Variants in OR51I2 observed in about 807,000 individuals in gnomAD.
OR51I2 encodes the protein olfactory receptor 51I2.
OR51I2 carries 6 observed loss-of-function variants against 9.3 expected under a neutral mutation model. That is an observed-to-expected ratio of 0.64 (90% CI 0.35 to 1.27). The LOEUF (loss-of-function observed/expected upper bound fraction) is 1.27. Ranked by LOEUF, OR51I2 falls within the 50% of genes most tolerant of loss-of-function variation. OR51I2 has a pLI of 0.03. For missense variants in OR51I2, 489 were observed against 396.4 expected, an observed-to-expected ratio of 1.23 and a Z score of -1.98; for synonymous variants, 179 against 143.1, an observed-to-expected ratio of 1.25 and a Z score of -1.79.
chr11:5,450,969 A>C lies in OR51I2; in HGVS notation c.-231+1605A>C, dbSNP rs146001210. The stretch of plus-strand genomic sequence containing the variant: ...GAAAAAGAGAGAAGAGAGTCTTAAA[A>C]GTCTTTAAATTAATGTTTTATCACC... On this transcript the variant is annotated intron_variant, in intron 1 of 1. Coordinates refer to ENST00000641930, the MANE Select transcript of OR51I2 (RefSeq NM_001004754.3). 2.6e-3 allele frequency among the ~76,000 whole-genome samples: 401 copies of C among 152,330 alleles called. 1 individual carries two copies. The highest frequency in any genetic ancestry group is 9.2e-3 in the African/African-American group (381 of 41,564).
In OR51I2 at chr11:5,454,270, T is replaced by G. The variant is rs113255511; in HGVS notation, c.782T>G (p.Val261Gly). The change falls in exon 2 of 2, where the codon GTG (valine) becomes GGG (glycine). Residue 261 changes from valine (V) to glycine (G), a missense_variant. Val to Gly is a moderately radical substitution (Grantham distance 109). Coordinates refer to ENST00000641930, the MANE Select transcript of OR51I2 (RefSeq NM_001004754.3). ...GTGCCAATGATTGGGGTCTCCACAG[T>G]GCACCGCTTTGGGAAGCATGTCCCA... ...FYVPMIGVSTVHRFGKHVPCY... is the reference protein window; with the variant it reads ...FYVPMIGVSTGHRFGKHVPCY... The G allele has an allele frequency of 1.2e-6, 2 of 1,614,232 alleles. No individual in the cohort carries two copies. Among genetic ancestry groups the G allele is most frequent in the South Asian group, 1.1e-5 (1 of 91,084 alleles).
rs564359205 is a variant in OR51I2 at position 5,455,402 on chromosome 11, A to G, written c.*975A>G. 1 of 150,396 alleles carries G rather than the reference A, an allele frequency of 6.6e-6. No individual in the cohort carries two copies. The highest frequency in any genetic ancestry group is 1.5e-5 in the Non-Finnish European group (1 of 67,820). The allele number at this position is 150,396 out of a possible 1,614,324, so 9.3% of individuals were successfully genotyped here. The stretch of plus-strand genomic sequence containing the variant: ...ACAGACTAGAGCACTTATGGTTTAG[A>G]TACCAGAAAATAATTCTTTCAGACC... On this transcript the variant is annotated 3_prime_UTR_variant, in exon 2 of 2. Coordinates refer to ENST00000641930, the MANE Select transcript of OR51I2 (RefSeq NM_001004754.3).
rs147138790 is a variant in OR51I2 at position 5,454,528 on chromosome 11, G to C, written c.*101G>C. On this transcript the variant is annotated 3_prime_UTR_variant, in exon 2 of 2. Coordinates refer to ENST00000641930, the MANE Select transcript of OR51I2 (RefSeq NM_001004754.3). ...AGTATAAGATAGATTGTGTGCTGCG[G>C]GAAAAGTAGGCCAGGAGATGGTGAT... 214 of 1,004,044 alleles carry C rather than the reference G, an allele frequency of 2.1e-4. No individual in the cohort carries two copies. In the African/African-American group the frequency reaches 2.9e-3, roughly 13 times the overall value. The allele number at this position is 1,004,044 out of a possible 1,614,324, so 62.2% of individuals were successfully genotyped here. A position where few individuals can be genotyped will look rare whatever the true frequency, so the allele number is the denominator to read the frequency against.
chr11:5,455,603 G>GAAAA lies in OR51I2; in HGVS notation c.*1177_*1178insAAAA, dbSNP rs1482582000. 1.5e-3 allele frequency: 208 copies of GAAAA among 136,144 alleles called. No individual in the cohort carries two copies. The highest frequency in any genetic ancestry group is 5.2e-3 in the African/African-American group (198 of 37,768). The allele number at this position is 136,144 out of a possible 1,614,324, so 8.4% of individuals were successfully genotyped here. On this transcript the variant is annotated 3_prime_UTR_variant, in exon 2 of 2. Transcript: ENST00000641930. ...AAAGAGAAAGAGAGAAAGAGAAAAA[G>GAAAA]AGAAAGAGAAAGAGAGAAAGAGAGA...
At chr11:5,452,504 C>CAAAAAAAAAAAAAAAA (rs56677841) in intron 1 of OR51I2, among the ~76,000 whole-genome samples, 8 of 69,214 alleles carry the variant, frequency 1.2e-4, no homozygotes, top group Admixed American at 2.1e-4. Flanking sequence ...GACTCTGTCT[C>CAAAAAAAAAAAAAAAA]AAAAAAAAAA....
chr11:5,455,810 T>A lies in OR51I2; in HGVS notation c.*1383T>A, dbSNP rs1850950105. ...ATGAGATAATGTAAGTACTTGGGAT[T>A]CAGATTTTTTTCAAAAATGTCTACA... On this transcript the variant is annotated 3_prime_UTR_variant, in exon 2 of 2. Coordinates refer to ENST00000641930, the MANE Select transcript of OR51I2 (RefSeq NM_001004754.3). 6.6e-6 allele frequency: 1 copy of A among 152,100 alleles called. No individual in the cohort carries two copies. Among genetic ancestry groups the A allele is most frequent in the African/African-American group, 2.4e-5 (1 of 41,422 alleles). 9.4% of individuals were successfully genotyped at this position (152,100 alleles called of 1,614,324 possible). A position where few individuals can be genotyped will look rare whatever the true frequency, so the allele number is the denominator to read the frequency against.
In OR51I2 at chr11:5,454,034, A is replaced by G. The variant is rs369266026; in HGVS notation, c.546A>G (p.Pro182=). 7.4e-6 allele frequency: 12 copies of G among 1,614,024 alleles called. No homozygotes were observed. The African/African-American group carries it at 1.6e-4, about 22-fold the overall frequency. Reference sequence around the variant, plus strand: ...TTTCTCACTCCTACTGCCTGCACCCAGACATGATGAGGCTTGCCTGTGCTG... The same window carrying G: ...TTTCTCACTCCTACTGCCTGCACCCGGACATGATGAGGCTTGCCTGTGCTG... The part of the protein sequence containing the change: ...NVLSHSYCLH[P]DMMRLACADI... Residue 182 remains proline, a synonymous_variant, in exon 2 of 2, where the codon CCA becomes CCG. Transcript: ENST00000641930.
intron 1 of OR51I2, 115 bp from the exon 2 acceptor site, chr11:5,453,144 T>C (rs1200360285): frequency 1.1e-5 from 2 of 175,912 alleles, no homozygotes; most frequent in Non-Finnish European, 2.4e-5. Context: ...CATATTTCTA[T>C]TGAATCATGC....
At position 5,449,331 on chromosome 11, in the gene OR51I2, T is replaced by A. The variant is rs1304153521; in HGVS notation, c.-264T>A. 6.6e-6 allele frequency: 1 copy of A among 152,192 alleles called. No individual in the cohort carries two copies. The highest frequency in any genetic ancestry group is 1.5e-5 in the Non-Finnish European group (1 of 68,062). The allele number at this position is 152,192 out of a possible 1,614,324, so 9.4% of individuals were successfully genotyped here. ...CACTTCAGCAGAGACAGGGAAGAAC[T>A]TGTTCTGTGGGTGTCTCATCAGTCT... On this transcript the variant is annotated 5_prime_UTR_variant, in exon 1 of 2. The change creates a new upstream start codon in the 5' untranslated region. Transcript: ENST00000641930.
rs1282071288 is a variant in OR51I2, at chr11:5,455,461, A to G, written c.*1034A>G. On this transcript the variant is annotated 3_prime_UTR_variant, in exon 2 of 2. Transcript: ENST00000641930. ...CGCTTCCCTTGATACCAGAGGTAGG[A>G]TATAGTAAGAAATTCCTTGGTGCTA... 1 of 151,280 alleles carries G rather than the reference A, an allele frequency of 6.6e-6. No homozygotes were observed. The highest frequency in any genetic ancestry group is 2.1e-4 in the South Asian group (1 of 4,784). The allele number at this position is 151,280 out of a possible 1,614,324, so 9.4% of individuals were successfully genotyped here.
intron 1 of OR51I2, among the ~76,000 whole-genome samples, chr11:5,450,575 G>A (rs1364783948): frequency 6.6e-6 from 1 of 152,172 alleles, no homozygotes; most frequent in African/African-American, 2.4e-5. Context: ...CAAGGTTCTA[G>A]TTCCAGGAAT....
At chr11:5,451,435 A>T (rs1037216795) in intron 1 of OR51I2, among the ~76,000 whole-genome samples, 5 of 152,228 alleles carry the variant, frequency 3.3e-5, no homozygotes, top group Non-Finnish European at 7.3e-5. Flanking sequence ...AATGGGAGAA[A>T]TAAGAGACAA....
rs765976440 is a variant in OR51I2 at position 5,453,651 on chromosome 11, C to A, written c.163C>A (p.Leu55Ile). ...ILQAVRVEPS[L>I]HEPMYYFLSM... ...GCAGGCTGTGCGAGTGGAGCCCAGC[C>A]TCCATGAGCCCATGTACTACTTCCT... is the stretch of plus-strand genomic sequence containing the variant. The change falls in exon 2 of 2, where the codon CTC becomes ATC. Residue 55 changes from leucine (L) to isoleucine (I), a missense_variant. Transcript: ENST00000641930. 1.2e-6 allele frequency: 2 copies of A among 1,613,460 alleles called. No individual in the cohort carries two copies. The highest frequency in any genetic ancestry group is 2.7e-5 in the African/African-American group (2 of 75,052).
Position 5,453,698 on chromosome 11 carries a change from T to C in OR51I2, c.210T>C (p.Asp70=). ...YYFLSMLSFS[D]VAISMATLPT... ...TCCTGTCCATGTTGTCCTTCAGTGA[T>C]GTGGCCATATCCATGGCCACACTGC... The change falls in exon 2 of 2, where the codon GAT becomes GAC. Residue 70 remains aspartate, a synonymous_variant. Transcript: ENST00000641930. 1 of 1,613,900 alleles carries C rather than the reference T, an allele frequency of 6.2e-7. No individual in the cohort carries two copies. The highest frequency in any genetic ancestry group is 8.5e-7 in the Non-Finnish European group (1 of 1,179,884).
In OR51I2 at chr11:5,453,871, A is replaced by T; in HGVS notation, c.383A>T (p.Asp128Val). 6.2e-7 allele frequency: 1 copy of T among 1,613,970 alleles called. No individual in the cohort carries two copies. The highest frequency in any genetic ancestry group is 8.5e-7 in the Non-Finnish European group (1 of 1,179,998). The change falls in exon 2 of 2, where the codon GAC (aspartate) becomes GTC (valine). Residue 128 changes from aspartate (D) to valine (V), a missense_variant. Transcript: ENST00000641930. ...TTTGACCGCTATGTGGCCATTTGTGACCCCTTGCGCTATGCAACTGTGCTC... is the reference window on the plus strand; with the variant it reads ...TTTGACCGCTATGTGGCCATTTGTGTCCCCTTGCGCTATGCAACTGTGCTC... ...MSFDRYVAIC[D>V]PLRYATVLTT...
intron 1 of OR51I2, among the ~76,000 whole-genome samples, chr11:5,450,826 T>A (rs1412543948): frequency 6.6e-6 from 1 of 152,214 alleles, no homozygotes; most frequent in African/African-American, 2.4e-5. Flanking sequence ...GGTGTTTGGT[T>A]TTCTGTTCCT....
chr11:5,453,543 G>A lies in OR51I2; in HGVS notation c.55G>A (p.Gly19Ser), dbSNP rs751811140. Residue 19 changes from glycine (G) to serine (S), a missense_variant, in exon 2 of 2, where the codon GGT becomes AGT. Coordinates refer to ENST00000641930, the MANE Select transcript of OR51I2 (RefSeq NM_001004754.3). ...PAFFLLTGIP[G>S]LESSHSWLSG... Reference sequence around the variant, plus strand: ...ATTCTTCCTCCTGACTGGTATCCCTGGTCTGGAGAGCTCTCACTCCTGGCT... The same window carrying A: ...ATTCTTCCTCCTGACTGGTATCCCTAGTCTGGAGAGCTCTCACTCCTGGCT... 1 of 1,604,890 alleles carries A rather than the reference G, an allele frequency of 6.2e-7. No homozygotes were observed. Among genetic ancestry groups the A allele is most frequent in the Non-Finnish European group, 8.5e-7 (1 of 1,175,968 alleles).
chr11:5,454,058 T>C lies in OR51I2; in HGVS notation c.570T>C (p.Ala190=). ...LHPDMMRLAC[A]DISINSIYGL... is the part of the protein sequence containing the mutation. Reference sequence around the variant, plus strand: ...CAGACATGATGAGGCTTGCCTGTGCTGATATCAGTATCAACAGCATCTATG... The same window carrying C: ...CAGACATGATGAGGCTTGCCTGTGCCGATATCAGTATCAACAGCATCTATG... The change falls in exon 2 of 2, where the codon GCT becomes GCC. Residue 190 remains alanine, a synonymous_variant. Transcript: ENST00000641930. 1 of 1,614,182 alleles carries C rather than the reference T, an allele frequency of 6.2e-7. No homozygotes were observed. The highest frequency in any genetic ancestry group is 1.1e-5 in the South Asian group (1 of 91,084).
chr11:5,453,321 T>C lies in OR51I2; in HGVS notation c.-168T>C, dbSNP rs1850885901. 4 of 460,616 alleles carry C rather than the reference T, an allele frequency of 8.7e-6. No homozygotes were observed. Among genetic ancestry groups the C allele is most frequent in the Non-Finnish European group, 1.1e-5 (3 of 264,622 alleles). The allele number at this position is 460,616 out of a possible 1,614,324, so 28.5% of individuals were successfully genotyped here. The stretch of plus-strand genomic sequence containing the variant: ...AAAATATGAAGAAAAGGAGTTTGCC[T>C]GCATCATCTCAAAAGCAGTGATTTC... On this transcript the variant is annotated 5_prime_UTR_variant, in exon 2 of 2. Coordinates refer to ENST00000641930, the MANE Select transcript of OR51I2 (RefSeq NM_001004754.3).
Sources: allele counts gnomAD v4.1 joint callset (sites outside exome capture counted in the v4.1 genomes callset), GRCh38; gene constraint gnomAD v4.1.1; transcripts MANE v1.5; gene names NCBI Gene and HGNC (gene_info 2026-07-23, HGNC 2026-07-21).